FAM219A: variants seen among roughly 807,000 people sequenced by gnomAD.
FAM219A encodes protein FAM219A.
FAM219A carries 7 observed loss-of-function variants against 23.4 expected under a neutral mutation model. The observed-to-expected ratio is 0.30, with a 90% CI of 0.17 to 0.56. The LOEUF (loss-of-function observed/expected upper bound fraction) is 0.56, where lower values mean the gene tolerates loss of function less well. FAM219A is among the 20% of genes least tolerant of loss of function. FAM219A has a pLI of 0.92. For missense variants in FAM219A, 166 were observed against 246.9 expected (o/e 0.67, Z 2.20); for synonymous variants, 93 against 99.0 (o/e 0.94, Z 0.36).
At chr9:34,450,183 C>T (rs890421337) in intron 1 of FAM219A, among the ~76,000 whole-genome samples, 4 of 151,504 alleles carry the variant, frequency 2.6e-5, no homozygotes, top group South Asian at 4.2e-4. Context: ...TATGGTGGCG[C>T]GTGAATGTAG....
intron 1 of FAM219A, among the ~76,000 whole-genome samples, chr9:34,433,074 A>G (rs1822773565): frequency 6.6e-6 from 1 of 150,724 alleles, no homozygotes; most frequent in African/African-American, 2.5e-5. Context: ...CTTCATATAT[A>G]AAAAATTGGA....
At chr9:34,439,863 C>G (rs192392016) in intron 1 of FAM219A, among the ~76,000 whole-genome samples, 1 of 152,228 alleles carries the variant, frequency 6.6e-6, no homozygotes, top group East Asian at 1.9e-4. Context: ...CGAGTGGAAG[C>G]CGTTGAAGTG....
chr9:34,400,701 G>C lies in FAM219A; in HGVS notation c.*263C>G. 2.7e-6 allele frequency: 1 copy of C among 367,740 alleles called. No homozygotes were observed. Among genetic ancestry groups the C allele is most frequent in the Non-Finnish European group, 4.9e-6 (1 of 204,928 alleles). 22.8% of individuals were successfully genotyped at this position (367,740 alleles called of 1,614,324 possible). A position where few individuals can be genotyped will look rare whatever the true frequency, so the allele number is the denominator to read the frequency against. On this transcript the variant is annotated 3_prime_UTR_variant, in exon 6 of 6. Coordinates refer to ENST00000651358, the MANE Select transcript of FAM219A (RefSeq NM_001184940.2). ...GGAAGCGGGGCAGGGTGCTGGGTGA[G>C]GTTCCCCCAGGTAACTGAACAAACG...
intron 1 of FAM219A, among the ~76,000 whole-genome samples, chr9:34,440,632 C>T (rs546378849): frequency 2.6e-5 from 4 of 151,974 alleles, no homozygotes; most frequent in Admixed American, 2.0e-4. Flanking sequence ...GGGCGGATCA[C>T]GAGGTCAGGA....
At chr9:34,437,136 G>C (rs753176625) in intron 1 of FAM219A, among the ~76,000 whole-genome samples, 1 of 152,126 alleles carries the variant, frequency 6.6e-6, no homozygotes, top group African/African-American at 2.4e-5. Flanking sequence ...GCCAATTTCC[G>C]GGGCTCTATC....
In FAM219A at chr9:34,457,751, CCCT is replaced by C. The variant is rs1333056565; in HGVS notation, c.60+450_60+452del. Among the ~76,000 whole-genome samples the C allele has an allele frequency of 6.6e-6, 1 of 152,200 alleles. No homozygotes were observed. Among genetic ancestry groups the C allele is most frequent in the Non-Finnish European group, 1.5e-5 (1 of 68,046 alleles). ...ATATCCAGCGGACAGGCGGGCAAGC[CCCT>C]CCTCTTCTAAAAGCTGATTCCCAAT... On this transcript the variant is annotated intron_variant, in intron 1 of 5. Transcript: ENST00000651358. The surrounding 1 kb of genome is among the most constrained non-coding windows in gnomAD (Gnocchi z 5.1).
chr9:34,445,333 A>G (rs1823329205), intron 1 of FAM219A, among the ~76,000 whole-genome samples: 1 of 152,264 alleles, frequency 6.6e-6, no homozygotes, highest in Non-Finnish European at 1.5e-5. Flanking sequence ...CTCACAGCAC[A>G]TTAAAGTGGA....
intron 1 of FAM219A, among the ~76,000 whole-genome samples, chr9:34,407,766 G>A (rs1821690333): frequency 6.6e-6 from 1 of 152,224 alleles, no homozygotes; most frequent in East Asian, 1.9e-4. Flanking sequence ...CAAGGCTGCT[G>A]CCTGTTCTGC....
chr9:34,429,250 G>A (rs75111904), intron 1 of FAM219A, among the ~76,000 whole-genome samples: 2,499 of 152,312 alleles, frequency 0.016, 67 homozygotes, highest in African/African-American at 0.055. Context: ...ATGCCTTTGG[G>A]CTTGACAGTT....
chr9:34,429,792 C>G (rs974820731), intron 1 of FAM219A, among the ~76,000 whole-genome samples: 2 of 152,132 alleles, frequency 1.3e-5, no homozygotes, highest in Non-Finnish European at 2.9e-5. Flanking sequence ...ATTGGTAGGC[C>G]GAAAGTCCAG....
chr9:34,418,980 T>C (rs1452578676), intron 1 of FAM219A, among the ~76,000 whole-genome samples: 2 of 151,902 alleles, frequency 1.3e-5, no homozygotes, highest in African/African-American at 4.8e-5. Context: ...GAGGCTGAGG[T>C]AGGAGAATCT....
chr9:34,429,825 G>C (rs983217304), intron 1 of FAM219A, among the ~76,000 whole-genome samples: 2 of 152,178 alleles, frequency 1.3e-5, no homozygotes, highest in Admixed American at 1.3e-4. Flanking sequence ...AAAGGATCCT[G>C]CTTCAGGCCT....
At position 34,401,076 on chromosome 9, in the gene FAM219A, C is replaced by G; in HGVS notation, c.446G>C (p.Arg149Pro). The G allele has an allele frequency of 6.2e-7, 1 of 1,613,202 alleles. No individual in the cohort carries two copies. Among genetic ancestry groups the G allele is most frequent in the Non-Finnish European group, 8.5e-7 (1 of 1,179,516 alleles). ...LNIQLLKDGY[R>P]LDEIPDDEDL... ...CTCGTCGTCGGGGATCTCATCTAAC[C>G]GGTAGCCGTCCTTCAGCAGCTGGAT... The change falls in exon 6 of 6, where the codon CGG (arginine) becomes CCG (proline). Residue 149 changes from arginine (R) to proline (P), a missense_variant. This residue lies in a region of FAM219A where 72 missense variants were observed against 131.0 expected (regional missense o/e 0.55). Coordinates refer to ENST00000651358, the MANE Select transcript of FAM219A (RefSeq NM_001184940.2).
intron 1 of FAM219A, among the ~76,000 whole-genome samples, chr9:34,429,481 T>C (rs956689743): frequency 7.2e-5 from 11 of 152,308 alleles, no homozygotes; most frequent in Admixed American, 6.5e-4. Context: ...AAGAGACCTG[T>C]AGGTAGAGGA....
chr9:34,451,244 G>T (rs1275498797), intron 1 of FAM219A, among the ~76,000 whole-genome samples: 1 of 152,184 alleles, frequency 6.6e-6, no homozygotes, highest in Non-Finnish European at 1.5e-5. Flanking sequence ...TGTGGATCAT[G>T]TGCCAATTTC....
At chr9:34,452,569 T>G (rs533603856) in intron 1 of FAM219A, among the ~76,000 whole-genome samples, 6 of 152,354 alleles carry the variant, frequency 3.9e-5, no homozygotes, top group African/African-American at 1.4e-4. Context: ...CATTATCTCC[T>G]AGCAGAATTA....
At chr9:34,425,137 C>T (rs140252010) in intron 1 of FAM219A, among the ~76,000 whole-genome samples, 1,579 of 152,154 alleles carry the variant, frequency 0.01, 32 homozygotes, top group African/African-American at 0.036. Flanking sequence ...ATTCCTTATG[C>T]CTAGTCAAAA....
At chr9:34,424,994 TG>T (rs1822404781) in intron 1 of FAM219A, among the ~76,000 whole-genome samples, 1 of 151,974 alleles carries the variant, frequency 6.6e-6, no homozygotes. Flanking sequence ...TTGGTAGAGA[TG>T]GGGTTTTGCC....
intron 1 of FAM219A, among the ~76,000 whole-genome samples, chr9:34,442,143 C>T (rs1319077560): frequency 2.0e-5 from 3 of 152,198 alleles, no homozygotes; most frequent in Non-Finnish European, 4.4e-5. Flanking sequence ...ATACACATCA[C>T]ACCTCAGAAG....
Sources: allele counts gnomAD v4.1 joint callset (sites outside exome capture counted in the v4.1 genomes callset), GRCh38; gene constraint gnomAD v4.1.1; regional missense constraint gnomAD v4.1.1; non-coding constraint Gnocchi (gnomAD v3.1); transcripts MANE v1.5; gene names NCBI Gene and HGNC (gene_info 2026-07-23, HGNC 2026-07-21).